The following SPAG16 variants were observed in gnomAD, a reference collection of about 807,000 sequenced individuals.
The protein encoded by SPAG16 is sperm associated antigen 16.
A neutral mutation model predicts 80.4 loss-of-function variants in SPAG16; 86 were observed. The ratio of observed to expected loss-of-function variants is 1.07; its 90% CI spans 0.90 to 1.28. SPAG16 has a LOEUF of 1.28. Among genes scored for constraint, SPAG16 ranks in the 50% most tolerant of loss-of-function variants. The pLI, the probability that SPAG16 is intolerant of heterozygous loss-of-function variation, is 0.00. For synonymous variants in SPAG16, 294 were observed against 265.9 expected (o/e 1.11, Z -1.03); for missense variants, 870 against 765.3 (o/e 1.14, Z -1.61).
At chr2:214,091,543 C>T (rs1437472349) in intron 13 of SPAG16, among the ~76,000 whole-genome samples, 3 of 152,092 alleles carry the variant, frequency 2.0e-5, no homozygotes, top group African/African-American at 7.2e-5. Flanking sequence ...GTTTACAAAG[C>T]TGTTAGAACC....
At chr2:214,317,823 T>G (rs1004104199) in intron 15 of SPAG16, among the ~76,000 whole-genome samples, 14 of 152,202 alleles carry the variant, frequency 9.2e-5, no homozygotes, top group African/African-American at 3.4e-4. Context: ...TTCCCCAGTA[T>G]ATTACAGCTC....
At chr2:214,314,551 AAC>A (rs1695549976) in intron 15 of SPAG16, among the ~76,000 whole-genome samples, 1 of 152,200 alleles carries the variant, frequency 6.6e-6, no homozygotes, top group Admixed American at 6.5e-5. Flanking sequence ...TCACTAGAGA[AAC>A]CTTAGGAAAG....
chr2:213,375,239 C>G, intron 9 of SPAG16, 120 bp downstream of exon 9: 1 of 725,590 alleles, frequency 1.4e-6, no homozygotes, highest in Non-Finnish European at 2.2e-6. Flanking sequence ...ATATTCCGGG[C>G]TGCTTGGTTT....
intron 10 of SPAG16, among the ~76,000 whole-genome samples, chr2:213,852,874 TAAAA>T (rs1192843203): frequency 6.6e-6 from 1 of 152,174 alleles, no homozygotes; most frequent in Non-Finnish European, 1.5e-5. Context: ...GCTGGAATAA[TAAAA>T]AAATTCCATG....
At chr2:214,094,430 T>C (rs2052443642) in intron 13 of SPAG16, among the ~76,000 whole-genome samples, 1 of 152,156 alleles carries the variant, frequency 6.6e-6, no homozygotes, top group Admixed American at 6.6e-5. Context: ...AACTCATGTG[T>C]ACATAGATTC....
intron 10 of SPAG16, among the ~76,000 whole-genome samples, chr2:213,642,304 A>G (rs868704948): frequency 1.3e-5 from 2 of 152,164 alleles, no homozygotes; most frequent in South Asian, 2.1e-4. Context: ...GAATCTCCAC[A>G]TGCTAGTTCT....
chr2:213,827,844 G>A (rs936299118), intron 10 of SPAG16, among the ~76,000 whole-genome samples: 3 of 151,782 alleles, frequency 2.0e-5, no homozygotes, highest in African/African-American at 4.8e-5. Context: ...CATTCTCTTG[G>A]TCAGTGAGGT....
chr2:214,319,225 A>C lies in SPAG16; in HGVS notation c.1721-90915A>C, dbSNP rs866618184. 8.9e-4 allele frequency among the ~76,000 whole-genome samples: 18 copies of C among 20,132 alleles called. 1 individual carries two copies. Among genetic ancestry groups the C allele is most frequent in the African/African-American group, 1.4e-3 (17 of 12,042 alleles). The allele number at this position is 20,132 out of a possible 152,430, so 13.2% of individuals were successfully genotyped here. On this transcript the variant is annotated intron_variant, in intron 15 of 15. Transcript: ENST00000331683. ...CCACACACACACACACACACACACA[A>C]GAAGTGTAGAAAAGATCTGAAAGGT...
intron 13 of SPAG16, among the ~76,000 whole-genome samples, chr2:214,070,080 A>ATT (rs71034614): frequency 1.8e-4 from 26 of 142,598 alleles, no homozygotes; most frequent in Admixed American, 8.4e-4. Context: ...CTCTTGGGGA[A>ATT]TTTTTTTTTT....
At chr2:213,978,613 G>A (rs1199274687) in intron 12 of SPAG16, among the ~76,000 whole-genome samples, 4 of 152,084 alleles carry the variant, frequency 2.6e-5, no homozygotes, top group African/African-American at 7.2e-5. Flanking sequence ...CAAATTTTGT[G>A]GTTTTGAACA....
intron 9 of SPAG16, among the ~76,000 whole-genome samples, chr2:213,475,613 C>A (rs1162003918): frequency 2.6e-5 from 4 of 152,142 alleles, no homozygotes; most frequent in Non-Finnish European, 5.9e-5. Flanking sequence ...GTGAGTATGA[C>A]CTTCCCCCAT....
At chr2:214,343,961 C>G (rs187343103) in intron 15 of SPAG16, among the ~76,000 whole-genome samples, 1 of 152,128 alleles carries the variant, frequency 6.6e-6, no homozygotes, top group Non-Finnish European at 1.5e-5. Flanking sequence ...CAACCATATG[C>G]GAATGGACTT....
intron 9 of SPAG16, among the ~76,000 whole-genome samples, chr2:213,436,026 T>C (rs1211944000): frequency 2.0e-5 from 3 of 152,022 alleles, no homozygotes; most frequent in Admixed American, 6.6e-5. Context: ...TATATACTCA[T>C]TAACTTAGAT....
chr2:214,207,828 T>G (rs377118261), intron 15 of SPAG16, among the ~76,000 whole-genome samples: 1 of 152,182 alleles, frequency 6.6e-6, no homozygotes, highest in Non-Finnish European at 1.5e-5. Flanking sequence ...GCTTGCCAAG[T>G]CTTCTGGCTT....
At chr2:213,352,598 T>A (rs777567780) in intron 7 of SPAG16, among the ~76,000 whole-genome samples, 1 of 152,208 alleles carries the variant, frequency 6.6e-6, no homozygotes, top group Non-Finnish European at 1.5e-5. Context: ...TGAATTCCAG[T>A]TGTGTTGTAA....
At chr2:213,291,042 T>C (rs1311690797) in intron 1 of SPAG16, among the ~76,000 whole-genome samples, 3 of 152,228 alleles carry the variant, frequency 2.0e-5, no homozygotes, top group Non-Finnish European at 4.4e-5. Context: ...TCTGTTTTCA[T>C]TGGGTCGATA....
chr2:213,760,042 GAAA>G lies in SPAG16; in HGVS notation c.1071-102435_1071-102433del, dbSNP rs576176598. Among the ~76,000 whole-genome samples, 4 of 144,468 alleles carry G rather than the reference GAAA, an allele frequency of 2.8e-5. No homozygotes were observed. The South Asian group carries it at 6.6e-4, about 24-fold the overall frequency. The allele number at this position is 144,468 out of a possible 152,430, so 94.8% of individuals were successfully genotyped here. On this transcript the variant is annotated intron_variant, in intron 10 of 15. Coordinates refer to ENST00000331683, the MANE Select transcript of SPAG16 (RefSeq NM_024532.5). ...AAAGCAAGACTCTGTCTCAAAAAAAGAAAAAAAAAAGAATTCAAAAATAGTAAA... is the reference window on the plus strand; with the variant it reads ...AAAGCAAGACTCTGTCTCAAAAAAAGAAAAAAAGAATTCAAAAATAGTAAA...
At chr2:214,016,489 C>T (rs923258300) in intron 13 of SPAG16, among the ~76,000 whole-genome samples, 1 of 152,068 alleles carries the variant, frequency 6.6e-6, no homozygotes, top group African/African-American at 2.4e-5. Flanking sequence ...GGGTGGGGAA[C>T]AAAAAGCCAA....
chr2:213,855,765 T>C (rs1019902355), intron 10 of SPAG16, among the ~76,000 whole-genome samples: 3 of 152,122 alleles, frequency 2.0e-5, no homozygotes, highest in African/African-American at 7.2e-5. Flanking sequence ...AGAACTCACT[T>C]ACTGTCATCA....
Sources: gnomAD v4.1 joint callset for allele counts (sites outside exome capture counted in the v4.1 genomes callset) on GRCh38, gnomAD v4.1.1 for gene constraint, MANE v1.5 for transcripts, NCBI Gene and HGNC (gene_info 2026-07-23, HGNC 2026-07-21) for gene names.